Variants in PDE1A observed in about 807,000 individuals in gnomAD.
PDE1A encodes the protein phosphodiesterase 1A, also known as dual specificity calcium/calmodulin-dependent 3',5'-cyclic nucleotide phosphodiesterase 1A.
Under a neutral mutation model 61.7 loss-of-function variants are expected in PDE1A, and 35 were observed. That is an observed-to-expected ratio of 0.57 (90% CI 0.43 to 0.75). The LOEUF (loss-of-function observed/expected upper bound fraction) is 0.75. Ranked by LOEUF, PDE1A falls within the 30% of genes least tolerant of loss-of-function variation. PDE1A has a pLI of 0.00. For synonymous variants in PDE1A, 232 were observed against 213.2 expected, an observed-to-expected ratio of 1.09 and a Z score of -0.77; for missense variants, 597 against 630.6, an observed-to-expected ratio of 0.95 and a Z score of 0.57.
At chr2:182,679,811 A>G in the PDE1A span, among the ~76,000 whole-genome samples, 1 of 152,136 alleles carries the variant, frequency 6.6e-6, no homozygotes, top group African/African-American at 2.4e-5. Context: ...CTTTTTTCCT[A>G]GAGCTAATAA....
chr2:182,431,121 TAAAA>T (rs538631665), upstream of PDE1A, among the ~76,000 whole-genome samples: 20,802 of 121,372 alleles, frequency 0.17, 1,818 homozygotes, highest in Middle Eastern at 0.3. Flanking sequence ...AAAAAAACAT[TAAAA>T]AAAAAAAAAA....
chr2:182,410,650 A>C (rs1702558690), intron 1 of PDE1A, among the ~76,000 whole-genome samples: 1 of 152,226 alleles, frequency 6.6e-6, no homozygotes, highest in Admixed American at 6.5e-5. Flanking sequence ...ACTCAACCTC[A>C]TCAAGATAAT....
chr2:182,514,743 T>C (rs1411985234), intron 2 of PDE1A, among the ~76,000 whole-genome samples: 1 of 152,130 alleles, frequency 6.6e-6, no homozygotes, highest in Admixed American at 6.6e-5. Context: ...AATACCACTC[T>C]GGAAATAGAC....
At chr2:182,156,306 A>G (rs1394903534) in intron 13 of PDE1A, among the ~76,000 whole-genome samples, 2 of 152,150 alleles carry the variant, frequency 1.3e-5, no homozygotes, top group Non-Finnish European at 2.9e-5. Context: ...TGTACCAAGC[A>G]CTGTGCTTAG....
intron 2 of PDE1A, among the ~76,000 whole-genome samples, chr2:182,482,546 C>T (rs1170052358): frequency 6.6e-6 from 1 of 151,922 alleles, no homozygotes; most frequent in Non-Finnish European, 1.5e-5. Flanking sequence ...AACTGGATCA[C>T]ATTGTCAGGA....
intron 2 of PDE1A, among the ~76,000 whole-genome samples, chr2:182,506,165 T>C (rs1689399931): frequency 6.6e-6 from 1 of 152,242 alleles, no homozygotes; most frequent in South Asian, 2.1e-4. Context: ...TTTTCATTCT[T>C]AGCCTTTTCT....
chr2:182,406,905 T>C (rs1224045742), intron 1 of PDE1A, among the ~76,000 whole-genome samples: 1 of 152,158 alleles, frequency 6.6e-6, no homozygotes, highest in African/African-American at 2.4e-5. Flanking sequence ...CAGTAATCAA[T>C]ACTATCTCAG....
chr2:182,176,528 T>C (rs1692807812), intron 13 of PDE1A, among the ~76,000 whole-genome samples: 1 of 144,072 alleles, frequency 6.9e-6, no homozygotes, highest in South Asian at 2.3e-4. Flanking sequence ...TTTTTGTACA[T>C]TGATTTTGTA....
chr2:182,289,730 T>C (rs544242623), intron 1 of PDE1A, among the ~76,000 whole-genome samples: 2 of 152,266 alleles, frequency 1.3e-5, no homozygotes, highest in South Asian at 2.1e-4. Flanking sequence ...TAATGGCAAA[T>C]GTATGTACTT....
At chr2:182,445,425 G>A (rs1357117122) in intron 2 of PDE1A, among the ~76,000 whole-genome samples, 1 of 152,070 alleles carries the variant, frequency 6.6e-6, no homozygotes, top group Non-Finnish European at 1.5e-5. Flanking sequence ...AAATGACATT[G>A]TTTTGCTTCT....
intron 7 of PDE1A, among the ~76,000 whole-genome samples, chr2:182,218,899 C>T (rs1201355459): frequency 6.6e-6 from 1 of 151,868 alleles, no homozygotes; most frequent in Non-Finnish European, 1.5e-5. Context: ...ATTTGTAATC[C>T]AGACACCTGC....
At chr2:182,237,650 A>C (rs1270859317) in intron 3 of PDE1A, among the ~76,000 whole-genome samples, 3 of 152,176 alleles carry the variant, frequency 2.0e-5, no homozygotes, top group Non-Finnish European at 2.9e-5. Context: ...GATTACAAAC[A>C]GGGATAAGTG....
At chr2:182,612,551 A>G in the PDE1A span, among the ~76,000 whole-genome samples, 1 of 152,216 alleles carries the variant, frequency 6.6e-6, no homozygotes, top group Non-Finnish European at 1.5e-5. Flanking sequence ...AAAAATGACA[A>G]CAAAAAACAC....
intron 1 of PDE1A, among the ~76,000 whole-genome samples, chr2:182,392,108 A>G (rs1460762204): frequency 6.6e-6 from 1 of 152,146 alleles, no homozygotes; most frequent in African/African-American, 2.4e-5. Context: ...ACTAGGGTGT[A>G]TCAGTCCATT....
rs1402582655 is a variant in PDE1A, at chr2:182,342,637, C to T, written c.54-78223G>A. Among the ~76,000 whole-genome samples the T allele has an allele frequency of 1.1e-4, 17 of 152,238 alleles. 1 individual carries two copies. In the East Asian group the frequency reaches 2.3e-3, roughly 21 times the overall value. On this transcript the variant is annotated intron_variant, in intron 1 of 13. Coordinates refer to ENST00000351439, the Ensembl canonical transcript of PDE1A. ...GGTGGAGGTTGCAGTGAGCTGAGATCGCGCCACTGCACTCCAGCCTGGGCA... is the reference window on the plus strand; with the variant it reads ...GGTGGAGGTTGCAGTGAGCTGAGATTGCGCCACTGCACTCCAGCCTGGGCA...
At chr2:182,707,230 T>G in the PDE1A span, among the ~76,000 whole-genome samples, 1 of 152,126 alleles carries the variant, frequency 6.6e-6, no homozygotes, top group African/African-American at 2.4e-5. Context: ...TAACTTAAAT[T>G]TCCAGCTTAA....
intron 7 of PDE1A, among the ~76,000 whole-genome samples, chr2:182,209,409 A>C (rs1023754590): frequency 6.6e-6 from 1 of 151,960 alleles, no homozygotes; most frequent in Non-Finnish European, 1.5e-5. Flanking sequence ...ATGGGATTAC[A>C]ATTCAACATG....
At chr2:182,505,455 G>A (rs1689345826) in intron 2 of PDE1A, among the ~76,000 whole-genome samples, 1 of 152,164 alleles carries the variant, frequency 6.6e-6, no homozygotes, top group Admixed American at 6.5e-5. Context: ...TACAGGAACA[G>A]CTATCATTCG....
intron 2 of PDE1A, among the ~76,000 whole-genome samples, chr2:182,442,076 T>C: frequency 1.3e-5 from 2 of 152,188 alleles, no homozygotes; most frequent in Middle Eastern, 3.4e-3. Context: ...AATATATCAT[T>C]CTATAAATTT....
Sources: allele counts gnomAD v4.1 joint callset (sites outside exome capture counted in the v4.1 genomes callset), GRCh38; gene constraint gnomAD v4.1.1; transcripts MANE v1.5; gene names NCBI Gene and HGNC (gene_info 2026-07-23, HGNC 2026-07-21).